Variants in FIBCD1 observed in about 807,000 individuals in gnomAD.
FIBCD1 encodes fibrinogen C domain containing 1.
Under a neutral mutation model 45.1 loss-of-function variants are expected in FIBCD1, and 47 were observed. The ratio of observed to expected loss-of-function variants is 1.04; its 90% CI spans 0.82 to 1.33. The LOEUF (loss-of-function observed/expected upper bound fraction) is 1.33. Among genes scored for constraint, FIBCD1 ranks in the 40% most tolerant of loss-of-function variants. The pLI is 0.00. For missense variants in FIBCD1, 653 were observed against 682.2 expected (o/e 0.96, Z 0.48); for synonymous variants, 313 against 308.1 (o/e 1.02, Z -0.17).
intron 4 of FIBCD1, among the ~76,000 whole-genome samples, chr9:130,921,013 T>C (rs777294644): frequency 2.6e-5 from 4 of 152,250 alleles, no homozygotes; most frequent in Admixed American, 6.5e-5. Context: ...TGGCCTTCTC[T>C]GAGGCTGCCC....
Position 130,923,782 on chromosome 9 carries a change from C to G in FIBCD1, c.811G>C (p.Val271Leu), listed in dbSNP as rs1419622832. 1.2e-6 allele frequency: 2 copies of G among 1,612,722 alleles called. No homozygotes were observed. Among genetic ancestry groups the G allele is most frequent in the Non-Finnish European group, 1.7e-6 (2 of 1,179,980 alleles). Residue 271 changes from valine to leucine, a missense_variant, in exon 4 of 7, where the codon GTG (valine) becomes CTG (leucine). By Grantham distance (32) the Val-to-Leu change is conservative. Transcript: ENST00000372338. ...CCGTCCGTGCGCATGTCACAGTACA[C>G]CTGGAAGCCGGCCGGGTAGTGGGTG... ...FPTHYPAGFQ[V>L]YCDMRTDGGG...
chr9:130,931,244 C>T (rs2133120730), intron 1 of FIBCD1, among the ~76,000 whole-genome samples: 1 of 152,366 alleles, frequency 6.6e-6, no homozygotes. Flanking sequence ...GGCGAGGTAG[C>T]TCACGCCTGT....
chr9:130,923,719 C>T (rs573738287), intron 4 of FIBCD1, 25 bp downstream of exon 4: 44 of 1,608,860 alleles, frequency 2.7e-5, no homozygotes, highest in Non-Finnish European at 3.2e-5. Context: ...CCTGCCCTGC[C>T]GCCCGCCCAG....
At chr9:130,921,908 G>T (rs1832268904) in intron 4 of FIBCD1, among the ~76,000 whole-genome samples, 1 of 152,244 alleles carries the variant, frequency 6.6e-6, no homozygotes, top group African/African-American at 2.4e-5. Flanking sequence ...TTGGGGTCTT[G>T]TGGGGATTCT....
intron 5 of FIBCD1, among the ~76,000 whole-genome samples, chr9:130,911,266 G>A (rs575809555): frequency 6.6e-6 from 1 of 152,126 alleles, no homozygotes; most frequent in Non-Finnish European, 1.5e-5. Flanking sequence ...AACTCCAGGC[G>A]CGCTACCTTA....
At chr9:130,905,507 TG>T (rs1831912284) in intron 5 of FIBCD1, 94 bp from the exon 6 acceptor site, 2 of 1,338,152 alleles carry the variant, frequency 1.5e-6, no homozygotes, top group Admixed American at 2.4e-5. Flanking sequence ...CTCATGCAGT[TG>T]GGGACAGAAA....
intron 5 of FIBCD1, among the ~76,000 whole-genome samples, chr9:130,911,025 G>T (rs982070956): frequency 6.6e-6 from 1 of 152,200 alleles, no homozygotes; most frequent in African/African-American, 2.4e-5. Context: ...AGCAGGATGT[G>T]GGTGGGGCCA....
chr9:130,938,324 G>T (rs943566425), intron 1 of FIBCD1: 2 of 432,412 alleles, frequency 4.6e-6, no homozygotes, highest in Non-Finnish European at 8.2e-6. Flanking sequence ...AGCGCGCGTG[G>T]CTCCTGCAGG....
intron 4 of FIBCD1, among the ~76,000 whole-genome samples, chr9:130,917,346 C>G (rs1478903962): frequency 1.3e-5 from 2 of 152,230 alleles, no homozygotes; most frequent in African/African-American, 4.8e-5. Flanking sequence ...CCCGGCGCAC[C>G]TTGGAAGTGC....
chr9:130,906,482 G>A (rs1008616939), intron 5 of FIBCD1, among the ~76,000 whole-genome samples: 2 of 152,308 alleles, frequency 1.3e-5, no homozygotes, highest in Non-Finnish European at 1.5e-5. Context: ...CAGGGACCAG[G>A]AGCAGCTACT....
rs1831871156 is a variant in FIBCD1 at position 130,903,517 on chromosome 9, G to GGTGC, written c.*546_*547insGCAC. 1.0e-5 allele frequency: 2 copies of GGTGC among 192,796 alleles called. No homozygotes were observed. The highest frequency in any genetic ancestry group is 2.4e-4 in the South Asian group (2 of 8,378). The allele number at this position is 192,796 out of a possible 1,614,324, so 11.9% of individuals were successfully genotyped here. A position where few individuals can be genotyped will look rare whatever the true frequency, so the allele number is the denominator to read the frequency against. On this transcript the variant is annotated 3_prime_UTR_variant, in exon 7 of 7. Transcript: ENST00000372338. ...GATGGGGCCACCCAGCCCACAGCCA[G>GGTGC]GCTGAGGCCCTTGGGGGAGAGGTGG...
At chr9:130,911,164 G>C (rs144464086) in intron 5 of FIBCD1, among the ~76,000 whole-genome samples, 1 of 152,180 alleles carries the variant, frequency 6.6e-6, no homozygotes, top group African/African-American at 2.4e-5. Flanking sequence ...AACACTCACC[G>C]TGAAGGTCTG....
intron 5 of FIBCD1, among the ~76,000 whole-genome samples, chr9:130,905,991 G>A (rs1831921187): frequency 6.6e-6 from 1 of 152,164 alleles, no homozygotes; most frequent in South Asian, 2.1e-4. Flanking sequence ...CACCAGTGCG[G>A]AATTCCCGTG....
rs536153633 is a variant in FIBCD1, at chr9:130,923,738, A to G, written c.849+6T>C. The G allele has an allele frequency of 1.9e-6, 3 of 1,611,286 alleles. No homozygotes were observed. In the African/African-American group the frequency reaches 4.0e-5, roughly 21 times the overall value. On this transcript the variant is annotated splice_donor_region_variant and intron_variant, in intron 4 of 6. Transcript: ENST00000372338. ...CCCTGCCGCCCGCCCAGCCTGGGAC[A>G]CTCACCGTCCAGCCGCCGCCGTCCG...
chr9:130,930,597 A>G (rs1483322119), intron 1 of FIBCD1, among the ~76,000 whole-genome samples: 2 of 152,028 alleles, frequency 1.3e-5, no homozygotes, highest in Non-Finnish European at 1.5e-5. Context: ...CATGCCCTGC[A>G]CAGTGACAGC....
At chr9:130,923,594 A>G in intron 4 of FIBCD1, 150 bp downstream of exon 4, 1 of 1,232,460 alleles carries the variant, frequency 8.1e-7, no homozygotes. Flanking sequence ...GGGTGGGGTC[A>G]GGCCAGGCAG....
Position 130,926,327 on chromosome 9 carries a change from G to T in FIBCD1, c.553-1931C>A, listed in dbSNP as rs913786023. ...TTTAAACCAGCAGATGATTAAAGTT[G>T]AAAATGTACATATAAACATGCCCCG... On this transcript the variant is annotated intron_variant, in intron 2 of 6. Transcript: ENST00000372338. The surrounding 1 kb of genome is among the most constrained non-coding windows in gnomAD (Gnocchi z 4.1). Among the ~76,000 whole-genome samples, 1 of 152,224 alleles carries T rather than the reference G, an allele frequency of 6.6e-6. No individual in the cohort carries two copies. Among genetic ancestry groups the T allele is most frequent in the Non-Finnish European group, 1.5e-5 (1 of 68,036 alleles).
intron 2 of FIBCD1, among the ~76,000 whole-genome samples, chr9:130,929,286 T>G (rs188774144): frequency 6.6e-6 from 1 of 152,232 alleles, no homozygotes; most frequent in Admixed American, 6.5e-5. Flanking sequence ...AAGCCCTGGA[T>G]TTACTGAGTG....
At chr9:130,915,480 A>T (rs1296380374) in intron 4 of FIBCD1, among the ~76,000 whole-genome samples, 1 of 152,216 alleles carries the variant, frequency 6.6e-6, no homozygotes, top group Non-Finnish European at 1.5e-5. Flanking sequence ...AGGCAGGCAG[A>T]TCTCCTGAGG....
Sources: gnomAD v4.1 joint callset for allele counts (sites outside exome capture counted in the v4.1 genomes callset) on GRCh38, gnomAD v4.1.1 for gene constraint, Gnocchi (gnomAD v3.1) non-coding constraint, MANE v1.5 for transcripts, NCBI Gene and HGNC (gene_info 2026-07-23, HGNC 2026-07-21) for gene names.